Variants in F8 observed in about 807,000 individuals in gnomAD.
The protein encoded by F8 is coagulation factor VIII.
Under a neutral mutation model 140.6 loss-of-function variants are expected in F8, and 12 were observed. That is an observed-to-expected ratio of 0.09 (90% confidence interval 0.05 to 0.14). The LOEUF is 0.14. Among genes scored for constraint, F8 ranks in the 10% least tolerant of loss-of-function variants. F8 has a pLI of 1.00. For missense variants in F8, 1,354 were observed against 1,720.7 expected (o/e 0.79, Z 3.77); for synonymous variants, 585 against 614.6 (o/e 0.95, Z 0.71).
chrX:154,902,965 C>T, intron 18 of F8, among the ~76,000 whole-genome samples: 1 of 111,756 alleles, frequency 8.9e-6, no homozygotes, highest in East Asian at 2.8e-4. Context: ...CTGATGCAGG[C>T]TCAAGTTGGA....
intron 25 of F8, among the ~76,000 whole-genome samples, chrX:154,857,780 T>C (rs1370228087): frequency 1.8e-5 from 2 of 112,452 alleles, no homozygotes; most frequent in Admixed American, 1.9e-4. Context: ...GATGTGAATA[T>C]ATTTATGTCC....
At chrX:154,892,333 C>T (rs1185643195) in intron 22 of F8, among the ~76,000 whole-genome samples, 1 of 112,405 alleles carries the variant, frequency 8.9e-6, no homozygotes, top group Non-Finnish European at 1.9e-5. Flanking sequence ...TGTATGCCCT[C>T]TAGGGCTGTA....
chrX:154,907,833 T>TA (rs1245396488), intron 14 of F8, among the ~76,000 whole-genome samples: 1 of 111,747 alleles, frequency 8.9e-6, no homozygotes, highest in Non-Finnish European at 1.9e-5. Flanking sequence ...AGAAGCCTGT[T>TA]AAAATCTATT....
At chrX:154,955,278 G>C (rs183986532) in intron 11 of F8, among the ~76,000 whole-genome samples, 1 of 87,273 alleles carries the variant, frequency 1.1e-5, no homozygotes, top group Non-Finnish European at 2.1e-5. Flanking sequence ...AGCCTCCTGA[G>C]TAGGTGGGAC....
At chrX:154,984,266 CT>C (rs1557284007) in intron 6 of F8, among the ~76,000 whole-genome samples, 1 of 111,762 alleles carries the variant, frequency 8.9e-6, no homozygotes, top group African/African-American at 3.3e-5. Context: ...CTTATTGTTA[CT>C]TTATTGATGC....
In F8 at chrX:154,953,909, G is replaced by C. The variant is rs782700146; in HGVS notation, c.1886C>G (p.Ala629Gly). Residue 629 changes from alanine (A) to glycine (G), a missense_variant, in exon 12 of 26, where the codon GCC becomes GGC. Coordinates refer to ENST00000360256, the MANE Select transcript of F8 (RefSeq NM_000132.4). ...TTACTCACTGTGCATGATGTTGGAG[G>C]CTTGGAACTCTGGATCCTCAAGCTG... ...GVQLEDPEFQ[A>G]SNIMHSINGY... 1 of 1,211,746 alleles carries C rather than the reference G, an allele frequency of 8.3e-7. No homozygotes were observed. Among genetic ancestry groups the C allele is most frequent in the South Asian group, 1.8e-5 (1 of 57,003 alleles).
At chrX:154,844,497 G>C (rs1307514475) in intron 25 of F8, among the ~76,000 whole-genome samples, 4 of 110,631 alleles carry the variant, frequency 3.6e-5, no homozygotes, top group African/African-American at 1.3e-4. Flanking sequence ...TCCTTGAAGA[G>C]GTCCTTCATA....
intron 22 of F8, among the ~76,000 whole-genome samples, chrX:154,870,357 T>C (rs1373138860): frequency 8.9e-6 from 1 of 112,070 alleles, no homozygotes; most frequent in Non-Finnish European, 1.9e-5. Flanking sequence ...CACAATCAAG[T>C]TGGCTTCATC....
Position 154,930,976 on chromosome X carries a change from G to T in F8, c.2814C>A (p.Thr938=). ...MPVHYDSQLD[T]TLFGKKSSPL... The stretch of plus-strand genomic sequence containing the variant: ...GAGATGACTTTTTGCCAAATAGAGT[G>T]GTATCTAATTGACTATCATAATGAA... Residue 938 remains threonine (T), a synonymous_variant, in exon 14 of 26, where the codon ACC becomes ACA. Coordinates refer to ENST00000360256, the MANE Select transcript of F8 (RefSeq NM_000132.4). The T allele has an allele frequency of 8.4e-7, 1 of 1,193,239 alleles. No individual in the cohort carries two copies. Among genetic ancestry groups the T allele is most frequent in the African/African-American group, 1.8e-5 (1 of 57,087 alleles).
At chrX:154,925,060 C>T (rs1248207453) in intron 14 of F8, among the ~76,000 whole-genome samples, 5 of 112,276 alleles carry the variant, frequency 4.5e-5, no homozygotes, top group Non-Finnish European at 7.5e-5. Flanking sequence ...GATTAACATT[C>T]GGCTCCTCAT....
At chrX:154,953,807 A>C (rs1569559788) in intron 12 of F8, 85 bp downstream of exon 12, 2 of 1,065,333 alleles carry the variant, frequency 1.9e-6, no homozygotes, top group East Asian at 6.0e-5. Flanking sequence ...TGCACATACA[A>C]TTCATTCATT....
intron 23 of F8, 71 bp from the exon 24 acceptor site, chrX:154,861,937 C>T (rs2072695021): frequency 9.4e-7 from 1 of 1,065,691 alleles, no homozygotes; most frequent in African/African-American, 1.8e-5. Flanking sequence ...GCAGCTTCCA[C>T]TGATATTCTA....
intron 13 of F8, among the ~76,000 whole-genome samples, chrX:154,938,631 T>A (rs1299992448): frequency 9.0e-6 from 1 of 111,050 alleles, no homozygotes; most frequent in Non-Finnish European, 1.9e-5. Flanking sequence ...GAACTTCTAT[T>A]AACCATAATG....
rs1489723842 is a variant in F8 at position 154,956,853 on chromosome X, C to A, written c.1752+104G>T. On this transcript the variant is annotated intron_variant, in intron 11 of 25. Coordinates refer to ENST00000360256, the MANE Select transcript of F8 (RefSeq NM_000132.4). Reference sequence around the variant, plus strand: ...ACTCAAATTTAGTAAAAGCTAAGCTCATTTCTTTTACTGACCTATATTGCA... The same window carrying A: ...ACTCAAATTTAGTAAAAGCTAAGCTAATTTCTTTTACTGACCTATATTGCA... 6 of 723,916 alleles carry A rather than the reference C, an allele frequency of 8.3e-6. No homozygotes were observed. In the African/African-American group the frequency reaches 1.3e-4, roughly 15 times the overall value. 59.7% of individuals were successfully genotyped at this position (723,916 alleles called of 1,213,427 possible). A position where few individuals can be genotyped will look rare whatever the true frequency, so the allele number is the denominator to read the frequency against.
intron 14 of F8, chrX:154,908,962 T>C (rs1220675071): frequency 2.1e-5 from 3 of 142,332 alleles, no homozygotes; most frequent in Non-Finnish European, 4.2e-5. Flanking sequence ...GTGAGCTGTG[T>C]GACAATCCAA....
In F8 at chrX:154,996,955, G is replaced by A; in HGVS notation, c.388+18C>T. On this transcript the variant is annotated intron_variant, in intron 3 of 25. Transcript: ENST00000360256. ...CTATTCATAGAATGACAGGACAATAGGAGGGTATTTTACTCACCCTCAGAA... is the reference window on the plus strand; with the variant it reads ...CTATTCATAGAATGACAGGACAATAAGAGGGTATTTTACTCACCCTCAGAA... The A allele has an allele frequency of 8.3e-7, 1 of 1,207,394 alleles. No homozygotes were observed. Among genetic ancestry groups the A allele is most frequent in the Non-Finnish European group, 1.1e-6 (1 of 891,635 alleles).
chrX:154,974,427 CAT>C (rs781823052), intron 6 of F8, among the ~76,000 whole-genome samples: 9 of 111,777 alleles, frequency 8.1e-5, no homozygotes, highest in Non-Finnish European at 1.7e-4. Context: ...TCTTAATTTG[CAT>C]ATGTTAAACC....
chrX:154,926,983 G>A (rs2073164566), intron 14 of F8, among the ~76,000 whole-genome samples: 2 of 111,333 alleles, frequency 1.8e-5, no homozygotes, highest in Non-Finnish European at 3.8e-5. Context: ...AGAAGGACTC[G>A]CAAAGTTGAC....
intron 25 of F8, among the ~76,000 whole-genome samples, chrX:154,845,746 C>A (rs781875179): frequency 1.8e-5 from 2 of 111,630 alleles, no homozygotes; most frequent in Non-Finnish European, 3.8e-5. Context: ...AAAACCAGTT[C>A]CTGGATTCAT....
Sources: gnomAD v4.1 joint callset for allele counts (sites outside exome capture counted in the v4.1 genomes callset) on GRCh38, gnomAD v4.1.1 for gene constraint, MANE v1.5 for transcripts, NCBI Gene and HGNC (gene_info 2026-07-23, HGNC 2026-07-21) for gene names.